TUSC3: variants seen among roughly 807,000 people sequenced by gnomAD.
TUSC3 encodes dolichyl-diphosphooligosaccharide--protein glycosyltransferase subunit TUSC3.
TUSC3 carries 45 observed loss-of-function variants against 44.8 expected under a neutral mutation model. That is an observed-to-expected ratio of 1.00 (90% CI 0.79 to 1.29). TUSC3 has a LOEUF of 1.29. TUSC3 is among the 50% of genes most tolerant of loss of function. The probability of loss-of-function intolerance (pLI) is 0.00; values close to 1 mark genes in which losing one functional copy is unlikely to be tolerated. For missense variants in TUSC3, 519 were observed against 437.9 expected, an observed-to-expected ratio of 1.19 and a Z score of -1.65; for synonymous variants, 212 against 152.9, an observed-to-expected ratio of 1.39 and a Z score of -2.85.
intron 1 of TUSC3, among the ~76,000 whole-genome samples, chr8:15,439,548 C>G (rs1424695483): frequency 6.6e-6 from 1 of 152,132 alleles, no homozygotes; most frequent in Non-Finnish European, 1.5e-5. Flanking sequence ...CAGAGCAAGA[C>G]CCTGTCTCAA....
chr8:15,678,044 A>C (rs2129184694), intron 6 of TUSC3, among the ~76,000 whole-genome samples: 1 of 152,300 alleles, frequency 6.6e-6, no homozygotes, highest in East Asian at 1.9e-4. Context: ...GAAAGCAGTC[A>C]AAAAACATGT....
chr8:15,750,531 CTTTTT>C (rs1045086460), intron 9 of TUSC3, among the ~76,000 whole-genome samples: 1 of 150,800 alleles, frequency 6.6e-6, no homozygotes, highest in African/African-American at 2.4e-5. Context: ...TTAGTTTGTA[CTTTTT>C]TTTTCAAGTA....
chr8:15,724,785 A>G (rs1810437734), intron 6 of TUSC3, among the ~76,000 whole-genome samples: 1 of 152,188 alleles, frequency 6.6e-6, no homozygotes, highest in South Asian at 2.1e-4. Flanking sequence ...AAGAAAATAG[A>G]TGGGAAAAGT....
chr8:15,658,391 G>C (rs7012557), intron 3 of TUSC3, among the ~76,000 whole-genome samples: 2,220 of 152,110 alleles, frequency 0.015, 42 homozygotes, highest in African/African-American at 0.049. Flanking sequence ...ACCTGTTTTG[G>C]TCTTGACTGT....
At chr8:15,717,371 ATT>A (rs1430277652) in intron 6 of TUSC3, among the ~76,000 whole-genome samples, 2 of 152,062 alleles carry the variant, frequency 1.3e-5, no homozygotes, top group African/African-American at 4.8e-5. Flanking sequence ...TGGGGATAAG[ATT>A]GTTTGAGAGT....
chr8:15,732,014 A>C (rs1292232446), intron 7 of TUSC3, among the ~76,000 whole-genome samples: 1 of 152,186 alleles, frequency 6.6e-6, no homozygotes, highest in Non-Finnish European at 1.5e-5. Flanking sequence ...TAAAATCAGG[A>C]TTAGCAATAC....
intron 2 of TUSC3, among the ~76,000 whole-genome samples, chr8:15,484,176 TA>T (rs969197965): frequency 2.6e-5 from 4 of 152,192 alleles, no homozygotes; most frequent in African/African-American, 9.6e-5. Context: ...GGTCTATTTT[TA>T]GTGAGATTTT....
the TUSC3 span, among the ~76,000 whole-genome samples, chr8:15,778,080 CAG>C: frequency 1.4e-5 from 2 of 147,138 alleles, no homozygotes; most frequent in African/African-American, 5.1e-5. Context: ...ACATCAGACT[CAG>C]AGCCCACACT....
intron 1 of TUSC3, among the ~76,000 whole-genome samples, chr8:15,594,158 T>TTTTTA (rs1803972319): frequency 6.6e-6 from 1 of 152,246 alleles, no homozygotes; most frequent in South Asian, 2.1e-4. Context: ...AAATTTGTCT[T>TTTTTA]TTTTATTTTA....
intron 1 of TUSC3, among the ~76,000 whole-genome samples, chr8:15,449,665 A>C (rs1311572963): frequency 1.7e-4 from 26 of 152,106 alleles, no homozygotes; most frequent in Admixed American, 1.6e-3. Context: ...TTCAGCCTCC[A>C]CCTTTTCTCT....
the TUSC3 span, among the ~76,000 whole-genome samples, chr8:15,824,570 G>C: frequency 2.0e-5 from 3 of 150,934 alleles, no homozygotes; most frequent in African/African-American, 4.9e-5. Context: ...AGAACACATG[G>C]ACACAGGAAG....
intron 5 of TUSC3, among the ~76,000 whole-genome samples, chr8:15,665,506 T>A (rs1215152909): frequency 6.6e-6 from 1 of 151,314 alleles, no homozygotes; most frequent in African/African-American, 2.4e-5. Flanking sequence ...TTTTATTGTA[T>A]ATGACTTAAA....
At chr8:15,565,794 T>A (rs1259989691) in intron 1 of TUSC3, among the ~76,000 whole-genome samples, 1 of 152,050 alleles carries the variant, frequency 6.6e-6, no homozygotes, top group Non-Finnish European at 1.5e-5. Context: ...TGGAAAGCCA[T>A]GTGTTGCGGA....
intron 2 of TUSC3, among the ~76,000 whole-genome samples, chr8:15,513,820 G>C (rs1411956113): frequency 1.3e-5 from 2 of 152,154 alleles, no homozygotes; most frequent in Non-Finnish European, 2.9e-5. Context: ...TATCTCACCA[G>C]AGTCAATGAG....
chr8:15,773,667 T>C, the TUSC3 span, among the ~76,000 whole-genome samples: 26,657 of 152,138 alleles, frequency 0.18, 2,361 homozygotes, highest in East Asian at 0.25. Context: ...ACTCACACTT[T>C]GAAAACTTAA....
intron 1 of TUSC3, among the ~76,000 whole-genome samples, chr8:15,588,176 C>T (rs1344479175): frequency 1.3e-5 from 2 of 152,030 alleles, no homozygotes; most frequent in African/African-American, 2.4e-5. Flanking sequence ...TTTACATTTC[C>T]ACCAGCAGTG....
chr8:15,656,532 C>T (rs1414294116), intron 3 of TUSC3, among the ~76,000 whole-genome samples: 3 of 152,108 alleles, frequency 2.0e-5, no homozygotes, highest in South Asian at 2.1e-4. Flanking sequence ...TTTCATTCCA[C>T]GTCCCATCAT....
chr8:15,711,916 G>C (rs1320741948), intron 6 of TUSC3, among the ~76,000 whole-genome samples: 1 of 151,778 alleles, frequency 6.6e-6, no homozygotes, highest in East Asian at 1.9e-4. Flanking sequence ...TATAGTTTCA[G>C]GAACTGAAAG....
intron 2 of TUSC3, among the ~76,000 whole-genome samples, chr8:15,497,800 A>G (rs984583028): frequency 1.3e-5 from 2 of 149,630 alleles, no homozygotes; most frequent in Non-Finnish European, 3.0e-5. Flanking sequence ...GCTGGAGTGC[A>G]ATGGTGTGAT....
Sources: gnomAD v4.1 joint callset for allele counts (sites outside exome capture counted in the v4.1 genomes callset) on GRCh38, gnomAD v4.1.1 for gene constraint, MANE v1.5 for transcripts, NCBI Gene and HGNC (gene_info 2026-07-23, HGNC 2026-07-21) for gene names.